HCN1: variants seen among roughly 807,000 people sequenced by gnomAD.
HCN1 encodes the protein hyperpolarization activated cyclic nucleotide gated potassium channel 1.
Under a neutral mutation model 78.9 loss-of-function variants are expected in HCN1, and 13 were observed. That is an observed-to-expected ratio of 0.16 (90% CI 0.11 to 0.26). The LOEUF (loss-of-function observed/expected upper bound fraction) is 0.26. Among genes scored for constraint, HCN1 ranks in the 10% least tolerant of loss-of-function variants. The pLI, the probability that HCN1 is intolerant of heterozygous loss-of-function variation, is 1.00. For missense variants in HCN1, 810 were observed against 1,154.3 expected, an observed-to-expected ratio of 0.70 and a Z score of 4.32; for synonymous variants, 552 against 455.5, an observed-to-expected ratio of 1.21 and a Z score of -2.70.
At chr5:45,415,684 C>G (rs1001346580) in intron 3 of HCN1, among the ~76,000 whole-genome samples, 1 of 152,020 alleles carries the variant, frequency 6.6e-6, no homozygotes, top group South Asian at 2.1e-4. Flanking sequence ...ATTCAGCCTT[C>G]CCAGCCTGGT....
At chr5:45,326,133 TA>T (rs746797907) in intron 5 of HCN1, among the ~76,000 whole-genome samples, 1 of 151,494 alleles carries the variant, frequency 6.6e-6, no homozygotes, top group Non-Finnish European at 1.5e-5. Flanking sequence ...GCATTTTCCT[TA>T]AAAAAATTAC....
chr5:45,424,921 T>C (rs183082416), intron 3 of HCN1, among the ~76,000 whole-genome samples: 2 of 152,358 alleles, frequency 1.3e-5, no homozygotes, highest in East Asian at 3.9e-4. Flanking sequence ...AAATTATCCA[T>C]ATCATCACTA....
At chr5:45,550,266 G>T (rs1156958867) in intron 2 of HCN1, among the ~76,000 whole-genome samples, 5 of 152,140 alleles carry the variant, frequency 3.3e-5, no homozygotes, top group African/African-American at 9.7e-5. Context: ...AACAATGATA[G>T]ACTGGATTAA....
chr5:45,409,255 C>A (rs1380961429), intron 3 of HCN1, among the ~76,000 whole-genome samples: 2 of 151,912 alleles, frequency 1.3e-5, no homozygotes, highest in African/African-American at 2.4e-5. Flanking sequence ...AAATTTCTTA[C>A]CGATGTGTGT....
At chr5:45,451,883 T>C (rs376920692) in intron 3 of HCN1, among the ~76,000 whole-genome samples, 2 of 152,008 alleles carry the variant, frequency 1.3e-5, no homozygotes, top group Admixed American at 6.6e-5. Flanking sequence ...GATTATCACA[T>C]TGATCACAGT....
chr5:45,292,931 AT>A (rs550088815), intron 6 of HCN1, among the ~76,000 whole-genome samples: 4 of 152,064 alleles, frequency 2.6e-5, no homozygotes, highest in Non-Finnish European at 5.9e-5. Flanking sequence ...CAGACAATTG[AT>A]AAAGTAATAT....
intron 1 of HCN1, among the ~76,000 whole-genome samples, chr5:45,668,296 T>C (rs562504640): frequency 1.3e-5 from 2 of 151,924 alleles, no homozygotes; most frequent in Admixed American, 6.6e-5. Flanking sequence ...TGGGAGGTGA[T>C]TGGATCATGG....
In HCN1 at chr5:45,255,629, A is replaced by G. The variant is rs1744592849; in HGVS notation, c.*6292T>C. ...TAGATGTTAGAAGAGTTAGGCAAAC[A>G]AGATTTAATTTTGAATGCTTGGAAA... On this transcript the variant is annotated 3_prime_UTR_variant, in exon 8 of 8. Transcript: ENST00000303230. 6.6e-6 allele frequency: 1 copy of G among 152,240 alleles called. No homozygotes were observed. Among genetic ancestry groups the G allele is most frequent in the Non-Finnish European group, 1.5e-5 (1 of 68,040 alleles). 9.4% of individuals were successfully genotyped at this position (152,240 alleles called of 1,614,324 possible). A position where few individuals can be genotyped will look rare whatever the true frequency, so the allele number is the denominator to read the frequency against.
At chr5:45,589,390 G>A (rs1181184852) in intron 2 of HCN1, among the ~76,000 whole-genome samples, 4 of 152,204 alleles carry the variant, frequency 2.6e-5, no homozygotes, top group Non-Finnish European at 5.9e-5. Context: ...ATCAGGTTTA[G>A]TGAGTCAAGT....
In HCN1 at chr5:45,645,789, A is replaced by AT. The variant is rs1319216517; in HGVS notation, c.426-182dup. Among the ~76,000 whole-genome samples the AT allele has an allele frequency of 2.0e-4, 31 of 152,232 alleles. No individual in the cohort carries two copies. In the Middle Eastern group the frequency reaches 0.024, roughly 118 times the overall value. ...GTTTAAATCTAAGTAAAATTAATAT[A>AT]TTCTTAAACCAAGGCATTATGATTA... On this transcript the variant is annotated intron_variant, in intron 1 of 7. Coordinates refer to ENST00000303230, the MANE Select transcript of HCN1 (RefSeq NM_021072.4).
rs1255874115 is a variant in HCN1 at position 45,695,795 on chromosome 5, G to GAGGTGAACTGCCTCTGCATGA, written c.278_298dup (p.Phe93_Thr99dup). On this transcript the variant is annotated inframe_insertion, in exon 1 of 8. Coordinates refer to ENST00000303230, the MANE Select transcript of HCN1 (RefSeq NM_021072.4). ...TTTGTTGACCCCGGGCTGCAGCATG[G>GAGGTGAACTGCCTCTGCATGA]AGGTGAACTGCCTCTGCATGAAGCC... is the stretch of plus-strand genomic sequence containing the variant. 12 of 1,611,098 alleles carry GAGGTGAACTGCCTCTGCATGA rather than the reference G, an allele frequency of 7.4e-6. No individual in the cohort carries two copies. The highest frequency in any genetic ancestry group is 1.0e-5 in the Non-Finnish European group (12 of 1,179,580).
chr5:45,554,739 T>C (rs1743438705), intron 2 of HCN1, among the ~76,000 whole-genome samples: 2 of 151,656 alleles, frequency 1.3e-5, no homozygotes, highest in African/African-American at 2.4e-5. Flanking sequence ...GAATAATCAG[T>C]GTATGTGAAA....
chr5:45,322,632 T>C (rs1382372096), intron 5 of HCN1, among the ~76,000 whole-genome samples: 3 of 151,846 alleles, frequency 2.0e-5, no homozygotes, highest in Non-Finnish European at 2.9e-5. Flanking sequence ...TACACAATAT[T>C]TTAAAATAAT....
Position 45,695,928 on chromosome 5 carries a change from A to G in HCN1, c.166T>C (p.Ser56Pro). ...CCGCCGTCCACCTTGAAGCACACGG[A>G]GTTGCCGTGCTCCTTCGCGCCGGCC... Reference protein sequence around the residue: ...GGAGAKEHGNSVCFKVDGGGG... With the variant: ...GGAGAKEHGNPVCFKVDGGGG... The change falls in exon 1 of 8, where the codon TCC becomes CCC. Residue 56 changes from serine to proline, a missense_variant. Physicochemically the swap from Ser to Pro is moderately conservative, Grantham distance 74. Transcript: ENST00000303230. 1 of 1,464,542 alleles carries G rather than the reference A, an allele frequency of 6.8e-7. No homozygotes were observed. The highest frequency in any genetic ancestry group is 1.3e-5 in the South Asian group (1 of 75,578). The allele number at this position is 1,464,542 out of a possible 1,614,324, so 90.7% of individuals were successfully genotyped here.
intron 2 of HCN1, among the ~76,000 whole-genome samples, chr5:45,475,935 T>C (rs1741504711): frequency 1.3e-5 from 2 of 152,102 alleles, no homozygotes; most frequent in African/African-American, 2.4e-5. Context: ...CACAGATATA[T>C]CCAAGAGGCC....
At chr5:45,670,177 C>G (rs1746122747) in intron 1 of HCN1, among the ~76,000 whole-genome samples, 1 of 151,490 alleles carries the variant, frequency 6.6e-6, no homozygotes. Context: ...ATCTGCCACA[C>G]AGACAGAAGA....
intron 1 of HCN1, among the ~76,000 whole-genome samples, chr5:45,664,715 C>T (rs1745998806): frequency 6.6e-6 from 1 of 151,892 alleles, no homozygotes; most frequent in African/African-American, 2.4e-5. Flanking sequence ...CCATCACTGG[C>T]CATCAGAGAA....
At chr5:45,520,234 T>C (rs1742589773) in intron 2 of HCN1, among the ~76,000 whole-genome samples, 1 of 152,052 alleles carries the variant, frequency 6.6e-6, no homozygotes, top group African/African-American at 2.4e-5. Flanking sequence ...CATATGAGAA[T>C]GTGGCACAAA....
chr5:45,307,205 T>C (rs1429512774), intron 5 of HCN1, among the ~76,000 whole-genome samples: 1 of 152,104 alleles, frequency 6.6e-6, no homozygotes, highest in Non-Finnish European at 1.5e-5. Flanking sequence ...CATACAAATC[T>C]AAATGATTGG....
Sources: gnomAD v4.1 joint callset for allele counts (sites outside exome capture counted in the v4.1 genomes callset) on GRCh38, gnomAD v4.1.1 for gene constraint, MANE v1.5 for transcripts, NCBI Gene and HGNC (gene_info 2026-07-23, HGNC 2026-07-21) for gene names.